CCNK: variants seen among roughly 807,000 people sequenced by gnomAD.
The protein encoded by CCNK is cyclin-K.
In CCNK, 9 loss-of-function variants were observed where a neutral mutation model predicts 65.0. The ratio of observed to expected loss-of-function variants is 0.14; its 90% CI spans 0.08 to 0.24. CCNK has a LOEUF of 0.24. CCNK is among the 10% of genes least tolerant of loss of function. CCNK has a pLI of 1.00. For missense variants in CCNK, 474 were observed against 720.0 expected (o/e 0.66, Z 3.91); for synonymous variants, 279 against 270.8 (o/e 1.03, Z -0.30).
chr14:99,500,538 AT>A (rs995676047), intron 4 of CCNK: 1,388 of 447,948 alleles, frequency 3.1e-3, no homozygotes, highest in Middle Eastern at 8.2e-3. Flanking sequence ...TGTTTTCAGT[AT>A]TTTTTTTTAC....
At chr14:99,509,119 T>C (rs1293235476) in intron 10 of CCNK, 1 of 152,232 alleles carries the variant, frequency 6.6e-6, no homozygotes, top group Admixed American at 6.5e-5. Context: ...AATGGCCACG[T>C]CTACCCAACC....
intron 9 of CCNK, chr14:99,505,569 T>C (rs891227070): frequency 6.6e-6 from 1 of 152,222 alleles, no homozygotes; most frequent in Non-Finnish European, 1.5e-5. Flanking sequence ...GCTGGAGTGC[T>C]CCTTTTTCTT....
intron 4 of CCNK, among the ~76,000 whole-genome samples, chr14:99,499,589 C>A (rs1046463514): frequency 8.5e-5 from 13 of 152,180 alleles, no homozygotes; most frequent in African/African-American, 3.1e-4. Context: ...ACAAGGAATT[C>A]TCTCAAATTG....
At chr14:99,501,608 G>C in intron 6 of CCNK, 195 bp downstream of exon 6, 1 of 567,780 alleles carries the variant, frequency 1.8e-6, no homozygotes, top group Non-Finnish European at 3.1e-6. Context: ...CTGCCCTGCC[G>C]TGTCATGGTG....
At chr14:99,487,132 A>G (rs1026329974) in intron 1 of CCNK, among the ~76,000 whole-genome samples, 15 of 152,248 alleles carry the variant, frequency 9.9e-5, no homozygotes, top group African/African-American at 3.6e-4. Context: ...TAAGATATTG[A>G]TTCCCTCAGC....
intron 1 of CCNK, among the ~76,000 whole-genome samples, chr14:99,489,485 A>T (rs1351067220): frequency 1.3e-5 from 2 of 152,188 alleles, no homozygotes; most frequent in East Asian, 3.8e-4. Flanking sequence ...AACTAGGATC[A>T]TGCCACTGCA....
intron 1 of CCNK, among the ~76,000 whole-genome samples, chr14:99,491,274 C>T (rs1896592672): frequency 6.6e-6 from 1 of 152,166 alleles, no homozygotes; most frequent in African/African-American, 2.4e-5. Flanking sequence ...AATCCTGGGT[C>T]AAAGAGCAAA....
chr14:99,502,246 C>G lies in CCNK; in HGVS notation c.615C>G (p.Ile205Met). 6.2e-7 allele frequency: 1 copy of G among 1,603,916 alleles called. No homozygotes were observed. Residue 205 changes from isoleucine (I) to methionine (M), a missense_variant, in exon 7 of 11, where the codon ATC (isoleucine) becomes ATG (methionine). Ile to Met is a conservative substitution (Grantham distance 10). This residue lies in a region of CCNK where 67 missense variants were observed against 150.2 expected (regional missense o/e 0.45). Transcript: ENST00000389879. ...TTLSLQWEPE[I>M]IAVAVMYLAG... ...TGTCACTGCAGTGGGAACCAGAGAT[C>G]ATAGCAGTAGCAGTGATGTATCTCG...
chr14:99,499,143 G>A (rs868349864), intron 4 of CCNK, among the ~76,000 whole-genome samples: 3 of 152,174 alleles, frequency 2.0e-5, no homozygotes, highest in African/African-American at 7.2e-5. Flanking sequence ...AGGCTCGAGC[G>A]ATTCTCCTGC....
intron 8 of CCNK, 194 bp downstream of exon 8, chr14:99,503,178 C>T: frequency 4.1e-6 from 3 of 726,598 alleles, no homozygotes; most frequent in South Asian, 1.5e-5. Flanking sequence ...CCTCTGAGAA[C>T]CAGGAGGGGG....
In CCNK at chr14:99,502,801, C is replaced by T. The variant is rs745738824; in HGVS notation, c.828C>T (p.Pro276=). 2 of 1,613,800 alleles carry T rather than the reference C, an allele frequency of 1.2e-6. No homozygotes were observed. Among genetic ancestry groups the T allele is most frequent in the South Asian group, 1.1e-5 (1 of 91,074 alleles). The change falls in exon 8 of 11, where the codon CCC becomes CCT. Residue 276 remains proline, a synonymous_variant. Transcript: ENST00000389879. ...ACACCCCCCATCAGCTGCAACAGCCCCCATCTCTTCAGCCTACACCACAAG... is the reference window on the plus strand; with the variant it reads ...ACACCCCCCATCAGCTGCAACAGCCTCCATCTCTTCAGCCTACACCACAAG... ...PHHTPHQLQQ[P]PSLQPTPQVP...
intron 9 of CCNK, chr14:99,505,411 C>G (rs948828876): frequency 6.6e-6 from 1 of 152,200 alleles, no homozygotes; most frequent in African/African-American, 2.4e-5. Flanking sequence ...GCAAAATACA[C>G]AGAGATTTCC....
rs778352010 is a variant in CCNK, at chr14:99,501,320, A to G, written c.518-36A>G. On this transcript the variant is annotated intron_variant, in intron 5 of 10. Transcript: ENST00000389879. Reference sequence around the variant, plus strand: ...CTTGATGCTGCCTGTGAATTTTTCTATTGCTATTAATTTACCTTTTTGTCC... The same window carrying G: ...CTTGATGCTGCCTGTGAATTTTTCTGTTGCTATTAATTTACCTTTTTGTCC... The G allele has an allele frequency of 2.7e-5, 37 of 1,367,078 alleles. No individual in the cohort carries two copies. In the African/African-American group the frequency reaches 4.3e-4, roughly 16 times the overall value. 84.7% of individuals were successfully genotyped at this position (1,367,078 alleles called of 1,614,324 possible).
intron 1 of CCNK, among the ~76,000 whole-genome samples, chr14:99,487,769 G>A (rs1896521779): frequency 6.6e-6 from 1 of 152,234 alleles, no homozygotes; most frequent in African/African-American, 2.4e-5. Context: ...TAACACAGGT[G>A]TGTTTACTTT....
At chr14:99,491,477 T>A (rs1896596663) in intron 1 of CCNK, among the ~76,000 whole-genome samples, 1 of 152,204 alleles carries the variant, frequency 6.6e-6, no homozygotes, top group South Asian at 2.1e-4. Flanking sequence ...TATGAACAGG[T>A]CATATTTTCT....
intron 6 of CCNK, chr14:99,501,946 A>G (rs1276497757): frequency 6.2e-6 from 2 of 323,788 alleles, no homozygotes; most frequent in African/African-American, 2.2e-5. Context: ...AACATAAGTC[A>G]TTTTCATTGG....
At position 99,502,815 on chromosome 14, in the gene CCNK, C is replaced by T; in HGVS notation, c.842C>T (p.Pro281Leu). Reference protein sequence around the residue: ...HQLQQPPSLQPTPQVPQVQQS... With the variant: ...HQLQQPPSLQLTPQVPQVQQS... ...CTGCAACAGCCCCCATCTCTTCAGC[C>T]TACACCACAAGTGCCGCAAGTACAG... The change falls in exon 8 of 11, where the codon CCT becomes CTT. Residue 281 changes from proline to leucine, a missense_variant. By Grantham distance (98) the Pro-to-Leu change is moderately conservative. Around this residue, in one of 6 missense-constraint regions of CCNK, gnomAD observed 229 missense variants for 275.5 expected, o/e 0.83. Coordinates refer to ENST00000389879, the MANE Select transcript of CCNK (RefSeq NM_001099402.2). 1 of 1,613,868 alleles carries T rather than the reference C, an allele frequency of 6.2e-7. No individual in the cohort carries two copies. Among genetic ancestry groups the T allele is most frequent in the Admixed American group, 1.7e-5 (1 of 60,008 alleles).
chr14:99,496,461 A>G (rs1233625229), intron 4 of CCNK, among the ~76,000 whole-genome samples: 32 of 152,244 alleles, frequency 2.1e-4, no homozygotes, highest in Admixed American at 2.1e-3. Context: ...CTGTAATCCC[A>G]GCACTTTGGG....
rs1456366682 is a variant in CCNK, at chr14:99,512,373, CA to C, written c.*1592del. On this transcript the variant is annotated 3_prime_UTR_variant, in exon 11 of 11. Coordinates refer to ENST00000389879, the MANE Select transcript of CCNK (RefSeq NM_001099402.2). ...AAAAAGCAGCACAAATACTTTGCCC[CA>C]CAGTATGAAAAATATACACCTCTAC... The C allele has an allele frequency of 6.6e-6, 1 of 151,472 alleles. No homozygotes were observed. Among genetic ancestry groups the C allele is most frequent in the Non-Finnish European group, 1.5e-5 (1 of 67,952 alleles). 9.4% of individuals were successfully genotyped at this position (151,472 alleles called of 1,614,324 possible).
Sources: allele counts gnomAD v4.1 joint callset (sites outside exome capture counted in the v4.1 genomes callset), GRCh38; gene constraint gnomAD v4.1.1; regional missense constraint gnomAD v4.1.1; transcripts MANE v1.5; gene names NCBI Gene and HGNC (gene_info 2026-07-23, HGNC 2026-07-21).